The following USP40 variants were observed in gnomAD, a reference collection of about 807,000 sequenced individuals.
The protein encoded by USP40 is ubiquitin carboxyl-terminal hydrolase 40.
Under a neutral mutation model 166.2 loss-of-function variants are expected in USP40, and 143 were observed. The observed-to-expected ratio is 0.86, with a 90% CI of 0.75 to 0.99. USP40 has a LOEUF of 0.99. USP40 is among the 50% of genes least tolerant of loss of function. The pLI, the probability that USP40 is intolerant of heterozygous loss-of-function variation, is 0.00. For missense variants in USP40, 1,444 were observed against 1,479.7 expected, an observed-to-expected ratio of 0.98 and a Z score of 0.40; for synonymous variants, 498 against 524.0, an observed-to-expected ratio of 0.95 and a Z score of 0.68.
rs2071415300 is a variant in USP40, at chr2:233,559,852, T to C, written c.340A>G (p.Thr114Ala). 1 of 1,610,518 alleles carries C rather than the reference T, an allele frequency of 6.2e-7. No homozygotes were observed. The highest frequency in any genetic ancestry group is 1.1e-5 in the South Asian group (1 of 89,778). Reference protein sequence around the residue: ...LLLLDQEAASTADLTDSFGWT... With the variant: ...LLLLDQEAASAADLTDSFGWT... ...CCAAAGCTGTCAGTGAGGTCTGCTG[T>C]GGATGCAGCTTCCTGGTCTAAGAGC... is the stretch of plus-strand genomic sequence containing the variant. Residue 114 changes from threonine (T) to alanine (A), a missense_variant, in exon 4 of 32, where the codon ACA (threonine) becomes GCA (alanine). Transcript: ENST00000678225.
intron 21 of USP40, among the ~76,000 whole-genome samples, chr2:233,503,307 T>C (rs866232615): frequency 5.9e-5 from 9 of 152,164 alleles, no homozygotes; most frequent in Admixed American, 2.0e-4. Context: ...AGTTTTCTCA[T>C]TGTAGAAGTG....
chr2:233,512,519 A>G (rs1250686248), intron 19 of USP40, 50 bp downstream of exon 19: 2 of 1,349,464 alleles, frequency 1.5e-6, no homozygotes, highest in Admixed American at 5.1e-5. Flanking sequence ...ATTTATCAAG[A>G]AAGACAGACG....
At chr2:233,498,649 A>G in intron 22 of USP40, 37 bp from the exon 23 acceptor site, 1 of 1,571,836 alleles carries the variant, frequency 6.4e-7, no homozygotes, top group South Asian at 1.1e-5. Context: ...AAAAAATTCA[A>G]AGTTAGGTGA....
At chr2:233,530,805 G>A (rs2068460488) in intron 11 of USP40, among the ~76,000 whole-genome samples, 1 of 152,068 alleles carries the variant, frequency 6.6e-6, no homozygotes, top group South Asian at 2.1e-4. Context: ...ATATATGTAA[G>A]CGCACTCTAC....
chr2:233,532,182 G>A (rs2068586020), intron 11 of USP40, among the ~76,000 whole-genome samples: 1 of 152,124 alleles, frequency 6.6e-6, no homozygotes, highest in Non-Finnish European at 1.5e-5. Context: ...TTGCTGGTAG[G>A]GTCTTCGTTT....
chr2:233,491,431 C>T, intron 25 of USP40, 170 bp from the exon 26 acceptor site: 1 of 619,356 alleles, frequency 1.6e-6, no homozygotes, highest in South Asian at 2.0e-5. Context: ...CAGGCAGGGA[C>T]ATGTTGTCGG....
At chr2:233,559,628 C>T (rs1423459091) in intron 4 of USP40, among the ~76,000 whole-genome samples, 183 bp downstream of exon 4, 2 of 152,152 alleles carry the variant, frequency 1.3e-5, no homozygotes, top group African/African-American at 4.8e-5. Context: ...TCATAAAATC[C>T]TGTATACAGC....
intron 5 of USP40, among the ~76,000 whole-genome samples, chr2:233,555,453 G>A (rs1251822920): frequency 6.6e-6 from 1 of 152,062 alleles, no homozygotes; most frequent in African/African-American, 2.4e-5. Context: ...AGTACCAAAA[G>A]TAACATTTAT....
intron 31 of USP40, among the ~76,000 whole-genome samples, chr2:233,479,405 A>G (rs1014061274): frequency 6.6e-6 from 1 of 152,148 alleles, no homozygotes; most frequent in African/African-American, 2.4e-5. Flanking sequence ...TCTACTAAAA[A>G]TACAAAAATT....
At chr2:233,558,444 T>C (rs1190502005) in intron 4 of USP40, among the ~76,000 whole-genome samples, 1 of 151,408 alleles carries the variant, frequency 6.6e-6, no homozygotes, top group Non-Finnish European at 1.5e-5. Context: ...TGGAATGAAG[T>C]ATCGACACAT....
At chr2:233,511,169 AG>A (rs1465121539) in intron 20 of USP40, among the ~76,000 whole-genome samples, 4 of 152,210 alleles carry the variant, frequency 2.6e-5, no homozygotes, top group Admixed American at 1.3e-4. Context: ...CTTCTGGCAA[AG>A]GTCAAACCTG....
At chr2:233,489,287 G>C (rs1045406985) in intron 27 of USP40, 78 bp downstream of exon 27, 8 of 1,340,634 alleles carry the variant, frequency 6.0e-6, no homozygotes, top group Non-Finnish European at 8.4e-6. Context: ...TCAGAAGACT[G>C]ATTCCTCCTC....
intron 10 of USP40, among the ~76,000 whole-genome samples, chr2:233,535,747 G>A (rs2068889167): frequency 6.6e-6 from 1 of 152,088 alleles, no homozygotes; most frequent in South Asian, 2.1e-4. Flanking sequence ...TGGAGCAGGG[G>A]GGCAAGACAT....
chr2:233,555,344 A>G (rs1459522625), intron 5 of USP40, among the ~76,000 whole-genome samples: 1 of 152,224 alleles, frequency 6.6e-6, no homozygotes, highest in Non-Finnish European at 1.5e-5. Context: ...GGCAAATTTA[A>G]TTTATATTTA....
At position 233,489,435 on chromosome 2, in the gene USP40, G is replaced by A. The variant is rs1249410235; in HGVS notation, c.3061C>T (p.His1021Tyr). The change falls in exon 27 of 32, where the codon CAC becomes TAC. Residue 1021 changes from histidine (H) to tyrosine (Y), a missense_variant. Transcript: ENST00000678225. ...FLEFGVPSPAHLRAWTVERKR... is the reference protein window; with the variant it reads ...FLEFGVPSPAYLRAWTVERKR... ...CTCTCCACCGTCCAGGCTCTGAGGT[G>A]GGCTGGGGACGGGACACCGAACTCC... 2 of 1,607,908 alleles carry A rather than the reference G, an allele frequency of 1.2e-6. No individual in the cohort carries two copies. Among genetic ancestry groups the A allele is most frequent in the Admixed American group, 3.4e-5 (2 of 59,290 alleles).
At chr2:233,530,943 A>C (rs1168262525) in intron 11 of USP40, among the ~76,000 whole-genome samples, 2 of 152,156 alleles carry the variant, frequency 1.3e-5, no homozygotes, top group African/African-American at 4.8e-5. Flanking sequence ...TATGCTTAGA[A>C]AGGTTTTCTT....
rs185837756 is a variant in USP40 at position 233,522,437 on chromosome 2, C to T, written c.2201+733G>A. Reference sequence around the variant, plus strand: ...AGTGGTAAGTGTACTACGAAAGAAACGGTCCACAAGTGCTCTGCTTCTCTG... The same window carrying T: ...AGTGGTAAGTGTACTACGAAAGAAATGGTCCACAAGTGCTCTGCTTCTCTG... On this transcript the variant is annotated intron_variant, in intron 16 of 31. Transcript: ENST00000678225. Among the ~76,000 whole-genome samples, 5 of 152,250 alleles carry T rather than the reference C, an allele frequency of 3.3e-5. No individual in the cohort carries two copies. The East Asian group carries it at 9.7e-4, about 29-fold the overall frequency.
At chr2:233,521,939 A>C (rs972022762) in intron 16 of USP40, among the ~76,000 whole-genome samples, 2 of 152,150 alleles carry the variant, frequency 1.3e-5, no homozygotes, top group African/African-American at 4.8e-5. Context: ...TAAGCACTCA[A>C]CTCTTTCAAT....
At chr2:233,525,613 T>C (rs1253644707) in intron 13 of USP40, 51 bp from the exon 14 acceptor site, 28 of 1,391,230 alleles carry the variant, frequency 2.0e-5, no homozygotes, top group Non-Finnish European at 2.6e-5. Context: ...GACATATACA[T>C]ATCACCTTTC....
Sources: allele counts gnomAD v4.1 joint callset (sites outside exome capture counted in the v4.1 genomes callset), GRCh38; gene constraint gnomAD v4.1.1; transcripts MANE v1.5; gene names NCBI Gene and HGNC (gene_info 2026-07-23, HGNC 2026-07-21).